The following MAF variants were observed in gnomAD, a reference collection of about 807,000 sequenced individuals.
MAF encodes the protein transcription factor Maf.
Under a neutral mutation model 22.0 loss-of-function variants are expected in MAF, and 10 were observed. That is an observed-to-expected ratio of 0.45 (90% CI 0.28 to 0.77). The LOEUF is 0.77. Among genes scored for constraint, MAF ranks in the 30% least tolerant of loss-of-function variants. The probability of loss-of-function intolerance (pLI) is 0.12; values close to 1 mark genes in which losing one functional copy is unlikely to be tolerated. For missense variants in MAF, 544 were observed against 548.4 expected (o/e 0.99, Z 0.08); for synonymous variants, 337 against 255.8 (o/e 1.32, Z -3.03).
the MAF span, among the ~76,000 whole-genome samples, chr16:79,315,316 T>C: frequency 1.3e-5 from 2 of 152,072 alleles, no homozygotes; most frequent in African/African-American, 4.8e-5. Flanking sequence ...TGAAATTGGG[T>C]GAATGGATGG....
At chr16:79,504,480 T>C in the MAF span, among the ~76,000 whole-genome samples, 1 of 152,246 alleles carries the variant, frequency 6.6e-6, no homozygotes, top group Non-Finnish European at 1.5e-5. Context: ...AAGTATCTTA[T>C]TGGGATTTCT....
At chr16:79,310,924 G>A in the MAF span, among the ~76,000 whole-genome samples, 1 of 152,230 alleles carries the variant, frequency 6.6e-6, no homozygotes, top group African/African-American at 2.4e-5. Context: ...CAGGTGCTGA[G>A]CGTGAGGGCT....
At chr16:79,345,453 C>G in the MAF span, among the ~76,000 whole-genome samples, 1 of 151,896 alleles carries the variant, frequency 6.6e-6, no homozygotes, top group Non-Finnish European at 1.5e-5. Flanking sequence ...ATTTTTTTGG[C>G]TAGGTGTGGT....
the MAF span, among the ~76,000 whole-genome samples, chr16:79,391,105 T>A: frequency 6.6e-6 from 1 of 152,146 alleles, no homozygotes; most frequent in Non-Finnish European, 1.5e-5. Context: ...TCCATCATCA[T>A]AGCACATTGC....
the MAF span, among the ~76,000 whole-genome samples, chr16:79,290,326 A>T: frequency 6.6e-6 from 1 of 152,186 alleles, no homozygotes; most frequent in African/African-American, 2.4e-5. Flanking sequence ...TTAATTTCCC[A>T]TAAATCATAC....
At chr16:79,565,383 T>G in the MAF span, among the ~76,000 whole-genome samples, 5 of 152,182 alleles carry the variant, frequency 3.3e-5, no homozygotes, top group East Asian at 9.6e-4. Context: ...AGAAAAGGTC[T>G]GCTGACCTGG....
the MAF span, among the ~76,000 whole-genome samples, chr16:79,303,946 G>A: frequency 1.1e-4 from 16 of 152,268 alleles, no homozygotes; most frequent in African/African-American, 2.4e-4. Context: ...GATGCACTTC[G>A]CTCAAAAGAC....
At chr16:79,567,265 C>A in the MAF span, among the ~76,000 whole-genome samples, 20 of 152,150 alleles carry the variant, frequency 1.3e-4, no homozygotes, top group African/African-American at 4.8e-4. Context: ...TTGCAGTGAG[C>A]CAAGATCGTG....
At chr16:79,339,729 G>A in the MAF span, among the ~76,000 whole-genome samples, 1 of 152,166 alleles carries the variant, frequency 6.6e-6, no homozygotes, top group African/African-American at 2.4e-5. Context: ...CAGTACACCA[G>A]CTTTGCAATT....
the MAF span, among the ~76,000 whole-genome samples, chr16:79,521,698 T>C: frequency 1.3e-5 from 2 of 152,324 alleles, no homozygotes; most frequent in Admixed American, 1.3e-4. Flanking sequence ...CTTGCTTTTG[T>C]CTCCGAGACT....
At chr16:79,572,540 G>C in the MAF span, among the ~76,000 whole-genome samples, 1 of 152,122 alleles carries the variant, frequency 6.6e-6, no homozygotes, top group Non-Finnish European at 1.5e-5. Context: ...CAGGAGGAGG[G>C]GCTACCTGGA....
At chr16:79,571,770 C>A in the MAF span, among the ~76,000 whole-genome samples, 1 of 152,060 alleles carries the variant, frequency 6.6e-6, no homozygotes, top group African/African-American at 2.4e-5. Context: ...AATCTAGATT[C>A]ACGAAGGAGC....
At chr16:79,492,461 AT>A in the MAF span, among the ~76,000 whole-genome samples, 5 of 146,956 alleles carry the variant, frequency 3.4e-5, no homozygotes, top group Admixed American at 1.4e-4. Context: ...ACCCCAGCCC[AT>A]TTGTTCTATA....
At chr16:79,224,367 A>C in the MAF span, among the ~76,000 whole-genome samples, 1 of 152,198 alleles carries the variant, frequency 6.6e-6, no homozygotes, top group East Asian at 1.9e-4. Flanking sequence ...TCTCAAAATA[A>C]TAAGAGCTAT....
the MAF span, chr16:79,516,069 CT>C: frequency 6.7e-6 from 1 of 148,804 alleles, no homozygotes; most frequent in Admixed American, 6.8e-5. Context: ...TCCAGCAATT[CT>C]CCCCCACTCC....
At chr16:79,320,446 G>C in the MAF span, among the ~76,000 whole-genome samples, 1 of 152,234 alleles carries the variant, frequency 6.6e-6, no homozygotes. Flanking sequence ...CCGTTGGTCA[G>C]CCCATGAGTT....
chr16:79,334,871 G>A, the MAF span, among the ~76,000 whole-genome samples: 1 of 151,712 alleles, frequency 6.6e-6, no homozygotes, highest in East Asian at 1.9e-4. Context: ...GTATGTGTGT[G>A]TGTGTGTGTG....
chr16:79,580,453 C>T, the MAF span, among the ~76,000 whole-genome samples: 1 of 152,164 alleles, frequency 6.6e-6, no homozygotes, highest in Non-Finnish European at 1.5e-5. Context: ...TGAGGAGAGG[C>T]TGAAAGCAGA....
At chr16:79,468,314 G>C in the MAF span, among the ~76,000 whole-genome samples, 1 of 152,210 alleles carries the variant, frequency 6.6e-6, no homozygotes, top group Non-Finnish European at 1.5e-5. Context: ...GGGCCGGCCA[G>C]ACGGCACTGG....
Sources: gnomAD v4.1 joint callset for allele counts (sites outside exome capture counted in the v4.1 genomes callset) on GRCh38, gnomAD v4.1.1 for gene constraint, MANE v1.5 for transcripts, NCBI Gene and HGNC (gene_info 2026-07-23, HGNC 2026-07-21) for gene names.